ADGRL3: variants seen among roughly 807,000 people sequenced by gnomAD.
ADGRL3 encodes adhesion G protein-coupled receptor L3, also known as calcium-independent alpha-latrotoxin receptor 3.
A neutral mutation model predicts 153.5 loss-of-function variants in ADGRL3; 62 were observed. The ratio of observed to expected loss-of-function variants is 0.40; its 90% CI spans 0.33 to 0.50. The LOEUF (loss-of-function observed/expected upper bound fraction) is 0.50. Ranked by LOEUF, ADGRL3 falls within the 20% of genes least tolerant of loss-of-function variation. The pLI is 0.47. For missense variants in ADGRL3, 1,641 were observed against 1,859.4 expected (o/e 0.88, Z 2.16); for synonymous variants, 710 against 672.5 (o/e 1.06, Z -0.86).
intron 1 of ADGRL3, among the ~76,000 whole-genome samples, chr4:61,361,490 G>T (rs2096281673): frequency 2.0e-5 from 3 of 152,160 alleles, no homozygotes; most frequent in Non-Finnish European, 2.9e-5. Context: ...GGCCTTTGGG[G>T]TTAGATAGGC....
At chr4:61,831,509 A>T (rs535910954) in intron 9 of ADGRL3, among the ~76,000 whole-genome samples, 1 of 151,790 alleles carries the variant, frequency 6.6e-6, no homozygotes, top group African/African-American at 2.4e-5. Context: ...TAACATTCTA[A>T]ATTTAAAAGC....
intron 11 of ADGRL3, among the ~76,000 whole-genome samples, chr4:61,904,420 A>G (rs2098685681): frequency 6.6e-6 from 1 of 152,184 alleles, no homozygotes; most frequent in Admixed American, 6.5e-5. Context: ...AAGTGTTAGG[A>G]TAACAGGTGT....
intron 4 of ADGRL3, among the ~76,000 whole-genome samples, chr4:61,551,329 A>G (rs1274043619): frequency 1.3e-5 from 2 of 152,158 alleles, no homozygotes; most frequent in Non-Finnish European, 2.9e-5. Flanking sequence ...AATGACACAT[A>G]TCAAGGTCAT....
chr4:61,684,581 G>C (rs961763073), intron 6 of ADGRL3, among the ~76,000 whole-genome samples: 1 of 152,088 alleles, frequency 6.6e-6, no homozygotes, highest in South Asian at 2.1e-4. Flanking sequence ...TTAGAGCAAA[G>C]ACTGCAGGGT....
intron 4 of ADGRL3, among the ~76,000 whole-genome samples, chr4:61,571,250 G>A (rs972760175): frequency 5.3e-5 from 8 of 151,782 alleles, no homozygotes; most frequent in African/African-American, 1.9e-4. Context: ...TGAGGCAGGA[G>A]GATCATTTGG....
intron 8 of ADGRL3, among the ~76,000 whole-genome samples, chr4:61,747,715 A>C (rs1476753510): frequency 6.8e-6 from 1 of 148,100 alleles, no homozygotes; most frequent in Admixed American, 6.8e-5. Flanking sequence ...TCTCAAAATA[A>C]TAAGAGCTAT....
chr4:61,597,941 T>C (rs2098995926), intron 5 of ADGRL3, among the ~76,000 whole-genome samples: 1 of 152,164 alleles, frequency 6.6e-6, no homozygotes, highest in Non-Finnish European at 1.5e-5. Context: ...TATCTGTACA[T>C]ATTTTAGAAA....
At chr4:61,405,062 GA>G (rs1266025257) in intron 2 of ADGRL3, among the ~76,000 whole-genome samples, 1 of 152,004 alleles carries the variant, frequency 6.6e-6, no homozygotes, top group African/African-American at 2.4e-5. Context: ...CTTGATCTCA[GA>G]AAGCCTTCAT....
At chr4:61,232,096 C>T (rs908415023) in intron 1 of ADGRL3, among the ~76,000 whole-genome samples, 1 of 151,998 alleles carries the variant, frequency 6.6e-6, no homozygotes, top group African/African-American at 2.4e-5. Flanking sequence ...TTATATCTCC[C>T]TTCTGGGATT....
chr4:61,653,574 A>C (rs541740534), intron 5 of ADGRL3, among the ~76,000 whole-genome samples: 1 of 152,278 alleles, frequency 6.6e-6, no homozygotes, highest in African/African-American at 2.4e-5. Flanking sequence ...TTTGAGTATT[A>C]CTTCATCAAG....
intron 1 of ADGRL3, among the ~76,000 whole-genome samples, chr4:61,241,734 A>T (rs1755054804): frequency 2.0e-5 from 3 of 152,070 alleles, no homozygotes. Flanking sequence ...TTGTGAGCAC[A>T]GAAATACATT....
chr4:61,392,885 C>A (rs1023794750), intron 2 of ADGRL3, among the ~76,000 whole-genome samples: 5 of 150,912 alleles, frequency 3.3e-5, no homozygotes, highest in African/African-American at 9.7e-5. Flanking sequence ...GGAATATGAA[C>A]CAAATAAACA....
intron 6 of ADGRL3, among the ~76,000 whole-genome samples, chr4:61,712,965 G>A (rs1323590359): frequency 6.6e-6 from 1 of 152,100 alleles, no homozygotes; most frequent in African/African-American, 2.4e-5. Flanking sequence ...TCAAACATGG[G>A]GGTATGAGTG....
At chr4:61,532,555 C>CGCGTGTGTGT (rs760218872) in intron 4 of ADGRL3, among the ~76,000 whole-genome samples, 5 of 131,472 alleles carry the variant, frequency 3.8e-5, no homozygotes, top group Admixed American at 7.5e-5. Flanking sequence ...CGCGCGCGCG[C>CGCGTGTGTGT]GTGTGTGTGT....
At chr4:61,577,085 G>C (rs1396778053) in intron 4 of ADGRL3, among the ~76,000 whole-genome samples, 8 of 151,362 alleles carry the variant, frequency 5.3e-5, no homozygotes, top group African/African-American at 1.7e-4. Context: ...CTTTCCCTAG[G>C]GACAAAACAA....
chr4:61,448,699 CG>C (rs2097620588), intron 2 of ADGRL3, among the ~76,000 whole-genome samples: 2 of 143,550 alleles, frequency 1.4e-5, no homozygotes, highest in Non-Finnish European at 3.0e-5. Context: ...AGGATAGGAA[CG>C]AAGGAAAGAA....
intron 1 of ADGRL3, among the ~76,000 whole-genome samples, chr4:61,219,342 AG>A (rs1744316559): frequency 6.6e-6 from 1 of 152,208 alleles, no homozygotes; most frequent in Admixed American, 6.5e-5. Flanking sequence ...TTTACCTGAA[AG>A]TTAAAAGCCA....
chr4:61,870,710 C>T lies in ADGRL3; in HGVS notation c.1481-21946C>T, dbSNP rs1287863777. ...TATAAAGGTGGTCAACATTATTAGC[C>T]ATCAGGAAAATACAATCAAAACTAT... is the stretch of plus-strand genomic sequence containing the variant. On this transcript the variant is annotated intron_variant, in intron 9 of 26. Coordinates refer to ENST00000683033, the MANE Select transcript of ADGRL3 (RefSeq NM_001387552.1). Among the ~76,000 whole-genome samples, 6 of 152,210 alleles carry T rather than the reference C, an allele frequency of 3.9e-5. No individual in the cohort carries two copies. The East Asian group carries it at 1.2e-3, about 29-fold the overall frequency.
At chr4:61,923,964 A>G (rs961567456) in intron 13 of ADGRL3, among the ~76,000 whole-genome samples, 2 of 152,126 alleles carry the variant, frequency 1.3e-5, no homozygotes, top group African/African-American at 4.8e-5. Flanking sequence ...CCAATTGCCT[A>G]CTAGTATGTC....
Sources: allele counts gnomAD v4.1 joint callset (sites outside exome capture counted in the v4.1 genomes callset), GRCh38; gene constraint gnomAD v4.1.1; transcripts MANE v1.5; gene names NCBI Gene and HGNC (gene_info 2026-07-23, HGNC 2026-07-21).